Variants in DDX4 observed in about 807,000 individuals in gnomAD.
The protein encoded by DDX4 is probable ATP-dependent RNA helicase DDX4.
A neutral mutation model predicts 100.0 loss-of-function variants in DDX4; 25 were observed. The ratio of observed to expected loss-of-function variants is 0.25; its 90% confidence interval spans 0.18 to 0.35. The LOEUF is 0.35. DDX4 is among the 10% of genes least tolerant of loss of function. The probability of loss-of-function intolerance (pLI) is 1.00; values close to 1 mark genes in which losing one functional copy is unlikely to be tolerated. For synonymous variants in DDX4, 259 were observed against 275.7 expected, an observed-to-expected ratio of 0.94 and a Z score of 0.60; for missense variants, 635 against 882.4, an observed-to-expected ratio of 0.72 and a Z score of 3.55.
At chr5:55,766,857 C>T (rs1740954542) in intron 6 of DDX4, 1 of 1,489,568 alleles carries the variant, frequency 6.7e-7, no homozygotes, top group Non-Finnish European at 8.9e-7. Context: ...TCTGGAAAGC[C>T]TGATGTCATA....
At chr5:55,816,074 C>G (rs1421872412) in intron 21 of DDX4, among the ~76,000 whole-genome samples, 2 of 151,994 alleles carry the variant, frequency 1.3e-5, no homozygotes, top group African/African-American at 2.4e-5. Context: ...GCGTGAGCCA[C>G]TGCGCCCAGC....
chr5:55,780,081 G>C lies in DDX4; in HGVS notation c.496+16G>C, dbSNP rs1172273135. On this transcript the variant is annotated intron_variant, in intron 8 of 21. Coordinates refer to ENST00000505374, the MANE Select transcript of DDX4 (RefSeq NM_024415.3). ...GGAAGTCCAAGTTAGTACTGGATTT[G>C]CAAATGATGTGCTTCATTAACTGTT... The C allele has an allele frequency of 6.2e-7, 1 of 1,612,346 alleles. No individual in the cohort carries two copies. Among genetic ancestry groups the C allele is most frequent in the Non-Finnish European group, 8.5e-7 (1 of 1,179,486 alleles).
intron 3 of DDX4, among the ~76,000 whole-genome samples, chr5:55,755,876 C>T (rs1759897467): frequency 1.3e-5 from 2 of 152,106 alleles, no homozygotes; most frequent in Non-Finnish European, 2.9e-5. Flanking sequence ...TTAACAGCAC[C>T]CTTGAAGCCT....
intron 5 of DDX4, 126 bp from the exon 6 acceptor site, chr5:55,763,888 A>C: frequency 1.6e-6 from 1 of 641,982 alleles, no homozygotes; most frequent in Non-Finnish European, 2.8e-6. Context: ...GTGAATTTGC[A>C]TGTGATAGCT....
At chr5:55,796,482 G>A (rs1272641248) in intron 17 of DDX4, among the ~76,000 whole-genome samples, 1 of 152,086 alleles carries the variant, frequency 6.6e-6, no homozygotes, top group East Asian at 1.9e-4. Flanking sequence ...TGCATTAGTG[G>A]CAATGCCAAA....
At chr5:55,782,711 AT>A (rs1741997900) in intron 10 of DDX4, among the ~76,000 whole-genome samples, 1 of 152,048 alleles carries the variant, frequency 6.6e-6, no homozygotes, top group African/African-American at 2.4e-5. Context: ...TTAAAACAAT[AT>A]GCTTTTTCTT....
chr5:55,785,407 T>TA (rs774596476), intron 11 of DDX4, 40 bp from the exon 12 acceptor site: 5 of 1,593,688 alleles, frequency 3.1e-6, no homozygotes, highest in Non-Finnish European at 3.4e-6. Flanking sequence ...CTTTCAATTT[T>TA]AAAAAACATG....
At chr5:55,761,013 A>C (rs934783600) in intron 4 of DDX4, among the ~76,000 whole-genome samples, 1 of 152,188 alleles carries the variant, frequency 6.6e-6, no homozygotes, top group Non-Finnish European at 1.5e-5. Flanking sequence ...GAAAAACTCT[A>C]TTGAGACTTG....
chr5:55,790,194 G>GAGTA (rs1742480859), intron 15 of DDX4, among the ~76,000 whole-genome samples: 1 of 146,504 alleles, frequency 6.8e-6, no homozygotes, highest in African/African-American at 2.5e-5. Flanking sequence ...GCCCAGGCTG[G>GAGTA]AGTAGAGTGG....
At chr5:55,780,297 T>C (rs951881554) in intron 8 of DDX4, among the ~76,000 whole-genome samples, 1 of 152,194 alleles carries the variant, frequency 6.6e-6, no homozygotes, top group African/African-American at 2.4e-5. Context: ...AGTGACTCAG[T>C]ACTTTAATAT....
intron 18 of DDX4, among the ~76,000 whole-genome samples, chr5:55,806,888 TTCTGTCTCGA>T (rs1475661542): frequency 6.6e-6 from 1 of 152,200 alleles, no homozygotes; most frequent in Non-Finnish European, 1.5e-5. Flanking sequence ...CTTGTTAACT[TTCTGTCTCGA>T]TCTGTCTAAT....
chr5:55,781,165 T>G lies in DDX4; in HGVS notation c.577+19T>G, dbSNP rs371666123. On this transcript the variant is annotated intron_variant, in intron 9 of 21. Coordinates refer to ENST00000505374, the MANE Select transcript of DDX4 (RefSeq NM_024415.3). ...GGCACAGGTGAGAAATAGAACTTAT[T>G]ACTGAATATTAGTTACTGATGTATG... is the stretch of plus-strand genomic sequence containing the variant. The G allele has an allele frequency of 6.4e-6, 10 of 1,571,506 alleles. No individual in the cohort carries two copies. In the African/African-American group the frequency reaches 1.2e-4, roughly 19 times the overall value.
At chr5:55,746,113 A>C in intron 2 of DDX4, 51 bp from the exon 3 acceptor site, 1 of 1,289,886 alleles carries the variant, frequency 7.8e-7, no homozygotes, top group Non-Finnish European at 1.1e-6. Context: ...AATAAATGAC[A>C]CGTTCATATT....
At chr5:55,804,887 G>A (rs1743591186) in intron 18 of DDX4, among the ~76,000 whole-genome samples, 1 of 151,958 alleles carries the variant, frequency 6.6e-6, no homozygotes, top group Non-Finnish European at 1.5e-5. Context: ...GATGGGGATG[G>A]CATTGAATCT....
chr5:55,762,265 C>T (rs1021772293), intron 4 of DDX4, among the ~76,000 whole-genome samples: 2 of 152,008 alleles, frequency 1.3e-5, no homozygotes, highest in Non-Finnish European at 2.9e-5. Flanking sequence ...TTGGATGTCT[C>T]TCCTGTTCTT....
At chr5:55,748,631 C>T (rs1046672620) in intron 3 of DDX4, among the ~76,000 whole-genome samples, 1 of 151,694 alleles carries the variant, frequency 6.6e-6, no homozygotes, top group African/African-American at 2.4e-5. Flanking sequence ...TGTAGTTCTT[C>T]ATAATTTTTT....
intron 18 of DDX4, among the ~76,000 whole-genome samples, chr5:55,813,038 C>G (rs1012160730): frequency 1.3e-5 from 2 of 151,964 alleles, no homozygotes; most frequent in Admixed American, 1.3e-4. Flanking sequence ...TAGGGAAATT[C>G]CCTGTGTGGG....
At position 55,807,398 on chromosome 5, in the gene DDX4, A is replaced by T. The variant is rs1000339403; in HGVS notation, c.1616-6275A>T. Among the ~76,000 whole-genome samples the T allele has an allele frequency of 7.6e-4, 116 of 152,090 alleles. 8 individuals are homozygous for T. On this transcript the variant is annotated intron_variant, in intron 18 of 21. Transcript: ENST00000505374. ...GGCTGGTTATTTTGCTCGTTAGTTG[A>T]TGCAGTTTCTTCCTAGCCTTGATGG...
At chr5:55,780,920 T>C (rs539051784) in intron 8 of DDX4, 146 bp from the exon 9 acceptor site, 6 of 575,130 alleles carry the variant, frequency 1.0e-5, no homozygotes, top group African/African-American at 7.5e-5. Flanking sequence ...TAGAATAGTT[T>C]AACTTAGTTT....
Sources: gnomAD v4.1 joint callset for allele counts (sites outside exome capture counted in the v4.1 genomes callset) on GRCh38, gnomAD v4.1.1 for gene constraint, MANE v1.5 for transcripts, NCBI Gene and HGNC (gene_info 2026-07-23, HGNC 2026-07-21) for gene names.